Variants in PGBD5 observed in about 807,000 individuals in gnomAD.
PGBD5 encodes piggyBac transposable element-derived protein 5.
Under a neutral mutation model 47.9 loss-of-function variants are expected in PGBD5, and 14 were observed. The ratio of observed to expected loss-of-function variants is 0.29; its 90% CI spans 0.19 to 0.46. The LOEUF (loss-of-function observed/expected upper bound fraction) is 0.46, where lower values mean the gene tolerates loss of function less well. PGBD5 is among the 20% of genes least tolerant of loss of function. The pLI is 1.00. For missense variants in PGBD5, 635 were observed against 716.0 expected, an observed-to-expected ratio of 0.89 and a Z score of 1.29; for synonymous variants, 316 against 306.3, an observed-to-expected ratio of 1.03 and a Z score of -0.33.
At chr1:230,374,899 G>C (rs1220025733) in intron 1 of PGBD5, among the ~76,000 whole-genome samples, 1 of 152,210 alleles carries the variant, frequency 6.6e-6, no homozygotes, top group East Asian at 1.9e-4. Flanking sequence ...TCCTTAAATA[G>C]GAGGCCACAG....
intron 1 of PGBD5, among the ~76,000 whole-genome samples, chr1:230,359,818 T>C (rs1015083950): frequency 6.6e-6 from 1 of 152,212 alleles, no homozygotes. Flanking sequence ...ACTCTAACTA[T>C]CTGCATTTTA....
At position 230,316,997 on chromosome 1, in the gene PGBD5, G is replaced by C. The variant is rs1384514614; in HGVS notation, c.*6428C>G. The C allele has an allele frequency of 2.0e-5, 3 of 152,246 alleles. No homozygotes were observed. The highest frequency in any genetic ancestry group is 7.2e-5 in the African/African-American group (3 of 41,452). The allele number at this position is 152,246 out of a possible 1,614,324, so 9.4% of individuals were successfully genotyped here. ...CTCTTGAGGAGGCTCAGACTCTTGT[G>C]TTTGCAGGGATGTGCTAAGCCAGGT... On this transcript the variant is annotated 3_prime_UTR_variant, in exon 7 of 7. Transcript: ENST00000391860.
chr1:230,335,784 C>G (rs1327905920), intron 4 of PGBD5, among the ~76,000 whole-genome samples: 2 of 115,612 alleles, frequency 1.7e-5, no homozygotes, highest in African/African-American at 6.5e-5. Flanking sequence ...GACACACACA[C>G]ACACACAGGC....
rs59845173 is a variant in PGBD5, at chr1:230,316,189, C to CATACATATGTAT, written c.*7235_*7236insATACATATGTAT. ...GTATACATACATACGTACACATGTG[C>CATACATATGTAT]ATGTGTATACATACATATGTACACA... is the stretch of plus-strand genomic sequence containing the variant. On this transcript the variant is annotated 3_prime_UTR_variant, in exon 7 of 7. Coordinates refer to ENST00000391860, the MANE Select transcript of PGBD5 (RefSeq NM_001258311.2). The CATACATATGTAT allele has an allele frequency of 7.0e-6, 1 of 143,478 alleles. No individual in the cohort carries two copies. Among genetic ancestry groups the CATACATATGTAT allele is most frequent in the African/African-American group, 2.6e-5 (1 of 39,082 alleles). The allele number at this position is 143,478 out of a possible 1,614,324, so 8.9% of individuals were successfully genotyped here.
intron 3 of PGBD5, among the ~76,000 whole-genome samples, chr1:230,347,628 C>T (rs190786699): frequency 2.0e-5 from 3 of 151,922 alleles, no homozygotes; most frequent in Admixed American, 6.6e-5. Context: ...TACAGGCATG[C>T]GCCACCATGC....
intron 2 of PGBD5, among the ~76,000 whole-genome samples, chr1:230,353,919 G>A (rs6679962): frequency 0.037 from 5,615 of 152,280 alleles, 338 homozygotes; most frequent in African/African-American, 0.13. Context: ...TTCTTTAAGT[G>A]GCAGATGCGT....
Position 230,357,179 on chromosome 1 carries a change from G to A in PGBD5, c.474C>T (p.Ala158=). 1 of 1,614,138 alleles carries A rather than the reference G, an allele frequency of 6.2e-7. No individual in the cohort carries two copies. The highest frequency in any genetic ancestry group is 8.5e-7 in the Non-Finnish European group (1 of 1,180,020). Residue 158 remains alanine (A), a synonymous_variant, in exon 2 of 7, where the codon GCC becomes GCT. Coordinates refer to ENST00000391860, the MANE Select transcript of PGBD5 (RefSeq NM_001258311.2). The surrounding 1 kb of genome is among the most constrained non-coding windows in gnomAD (Gnocchi z 5.7). ...KFQERFGSDG[A]WVEVTLTEMK... is the part of the protein sequence containing the mutation. ...TCTCCGTCAGCGTCACCTCCACCCAGGCTCCGTCGCTCCCAAACCGCTCCT... is the reference window on the plus strand; with the variant it reads ...TCTCCGTCAGCGTCACCTCCACCCAAGCTCCGTCGCTCCCAAACCGCTCCT...
intron 1 of PGBD5, among the ~76,000 whole-genome samples, chr1:230,379,895 C>G (rs1370844980): frequency 6.6e-6 from 1 of 152,242 alleles, no homozygotes; most frequent in East Asian, 1.9e-4. Flanking sequence ...AAAACTGAAG[C>G]CAGAGATTCA....
chr1:230,400,500 T>C (rs1056390607), intron 1 of PGBD5, among the ~76,000 whole-genome samples: 1 of 152,224 alleles, frequency 6.6e-6, no homozygotes, highest in Non-Finnish European at 1.5e-5. Context: ...TGATGTATTC[T>C]AAAAGCCCAA....
intron 3 of PGBD5, among the ~76,000 whole-genome samples, chr1:230,345,984 T>C (rs1667468128): frequency 6.6e-6 from 1 of 152,116 alleles, no homozygotes; most frequent in Non-Finnish European, 1.5e-5. Context: ...GCCTCCCACA[T>C]TGCTGGTACT....
In PGBD5 at chr1:230,317,969, T is replaced by C. The variant is rs114909543; in HGVS notation, c.*5456A>G. 0.042 allele frequency: 6,074 copies of C among 145,564 alleles called. 176 individuals carry two copies. Among genetic ancestry groups the C allele is most frequent in the African/African-American group, 0.082 (3,341 of 40,958 alleles). The allele number at this position is 145,564 out of a possible 1,614,324, so 9.0% of individuals were successfully genotyped here. On this transcript the variant is annotated 3_prime_UTR_variant, in exon 7 of 7. Coordinates refer to ENST00000391860, the MANE Select transcript of PGBD5 (RefSeq NM_001258311.2). Reference sequence around the variant, plus strand: ...ACGGAAGGGTGAAGGTGCCCCACCCTCCCCGGAACACAGTTCACACAGAGC... The same window carrying C: ...ACGGAAGGGTGAAGGTGCCCCACCCCCCCCGGAACACAGTTCACACAGAGC...
intron 4 of PGBD5, among the ~76,000 whole-genome samples, chr1:230,334,035 C>G (rs978323727): frequency 6.6e-6 from 1 of 152,308 alleles, no homozygotes; most frequent in East Asian, 1.9e-4. Context: ...CCCGGAGGAC[C>G]GACAGTGCCA....
chr1:230,378,612 C>G (rs2102724080), intron 1 of PGBD5, among the ~76,000 whole-genome samples: 1 of 152,264 alleles, frequency 6.6e-6, no homozygotes, highest in African/African-American at 2.4e-5. Context: ...CTGTTTGAAC[C>G]ACCGCCTACT....
chr1:230,418,860 T>C (rs1399578456), intron 1 of PGBD5, among the ~76,000 whole-genome samples: 2 of 152,256 alleles, frequency 1.3e-5, no homozygotes, highest in Admixed American at 6.5e-5. Context: ...GAATGCACTG[T>C]GCTGTGCACG....
At chr1:230,377,640 G>T (rs774484759) in intron 1 of PGBD5, 2 of 1,489,032 alleles carry the variant, frequency 1.3e-6, no homozygotes, top group Non-Finnish European at 9.0e-7. Flanking sequence ...TACCGAACAG[G>T]TGCCCTGGTC....
At chr1:230,424,088 A>T (rs369020478) in intron 1 of PGBD5, among the ~76,000 whole-genome samples, 2 of 152,220 alleles carry the variant, frequency 1.3e-5, no homozygotes, top group East Asian at 3.8e-4. Context: ...TGAGACACGC[A>T]GAGACTTGCT....
At chr1:230,419,083 T>C (rs1401220375) in intron 1 of PGBD5, among the ~76,000 whole-genome samples, 4 of 152,202 alleles carry the variant, frequency 2.6e-5, no homozygotes, top group Non-Finnish European at 4.4e-5. Context: ...AAACAAATTG[T>C]TCTACCAAAA....
At chr1:230,346,218 T>C (rs577642596) in intron 3 of PGBD5, among the ~76,000 whole-genome samples, 2 of 152,058 alleles carry the variant, frequency 1.3e-5, no homozygotes, top group South Asian at 4.2e-4. Context: ...ATTTCATATT[T>C]TTTGTGGAGA....
At chr1:230,356,811 C>T (rs1202101897) in intron 2 of PGBD5, 83 bp downstream of exon 2, 12 of 1,485,632 alleles carry the variant, frequency 8.1e-6, no homozygotes, top group Admixed American at 7.7e-5. Flanking sequence ...AGGAAGGACA[C>T]CCCAAAGCCC....
Sources: allele counts gnomAD v4.1 joint callset (sites outside exome capture counted in the v4.1 genomes callset), GRCh38; gene constraint gnomAD v4.1.1; non-coding constraint Gnocchi (gnomAD v3.1); transcripts MANE v1.5; gene names NCBI Gene and HGNC (gene_info 2026-07-23, HGNC 2026-07-21).